KAZN: variants seen among roughly 807,000 people sequenced by gnomAD.
KAZN encodes kazrin.
Under a neutral mutation model 87.4 loss-of-function variants are expected in KAZN, and 40 were observed. The ratio of observed to expected loss-of-function variants is 0.46; its 90% CI spans 0.36 to 0.60. KAZN has a LOEUF of 0.60. KAZN is among the 20% of genes least tolerant of loss of function. KAZN has a pLI of 0.00. For synonymous variants in KAZN, 466 were observed against 458.3 expected, an observed-to-expected ratio of 1.02 and a Z score of -0.22; for missense variants, 898 against 1,073.9, an observed-to-expected ratio of 0.84 and a Z score of 2.29.
chr1:13,993,790 G>A (rs1274210923), intron 1 of KAZN, among the ~76,000 whole-genome samples: 2 of 152,214 alleles, frequency 1.3e-5, no homozygotes, highest in African/African-American at 4.8e-5. Context: ...AGGGTCAGGG[G>A]TGGGCATGGG....
chr1:14,908,675 C>A (rs1191838700), intron 1 of KAZN, among the ~76,000 whole-genome samples: 1 of 152,058 alleles, frequency 6.6e-6, no homozygotes, highest in East Asian at 1.9e-4. Context: ...CCTATTCATG[C>A]CACTCCTCTC....
chr1:14,030,160 G>T lies in KAZN; in HGVS notation c.91+136404G>T, dbSNP rs1570568117. Among the ~76,000 whole-genome samples, 4 of 150,498 alleles carry T rather than the reference G, an allele frequency of 2.7e-5. No homozygotes were observed. In the East Asian group the frequency reaches 5.9e-4, roughly 22 times the overall value. ...TCCTCTTTTATTTCCTTGAGCAGTG[G>T]TTTGTAGTTCTCCTTGAAGAGGTCC... On this transcript the variant is annotated intron_variant, in intron 1 of 16. Transcript: ENST00000636203.
chr1:14,427,065 G>T (rs532798987), intron 2 of KAZN, among the ~76,000 whole-genome samples: 1 of 152,212 alleles, frequency 6.6e-6, no homozygotes, highest in Non-Finnish European at 1.5e-5. Flanking sequence ...CACAAGACCT[G>T]TAAAATTGTT....
At chr1:14,278,622 T>G (rs1652590952) in intron 2 of KAZN, among the ~76,000 whole-genome samples, 1 of 152,294 alleles carries the variant, frequency 6.6e-6, no homozygotes, top group East Asian at 1.9e-4. Flanking sequence ...ATCTAGTCAC[T>G]GCTTAAGTTT....
rs192386508 is a variant in KAZN at position 14,210,916 on chromosome 1, A to G, written c.249+30324A>G. On this transcript the variant is annotated intron_variant, in intron 2 of 16. Coordinates refer to the KAZN transcript ENST00000636203. ...ACAATATCACACTGTTCATATGTCA[A>G]TGTAGCCTCTGGAAAACTCCACTGT... Among the ~76,000 whole-genome samples, 1,011 of 152,286 alleles carry G rather than the reference A, an allele frequency of 6.6e-3. 6 individuals are homozygous for G. Among genetic ancestry groups the G allele is most frequent in the South Asian group, 0.035 (171 of 4,818 alleles).
chr1:14,913,531 C>T (rs938256986), intron 1 of KAZN, among the ~76,000 whole-genome samples: 2 of 152,228 alleles, frequency 1.3e-5, no homozygotes, highest in Non-Finnish European at 2.9e-5. Flanking sequence ...GGGGCCATTA[C>T]AGATTTCTGC....
chr1:14,053,169 C>T (rs1642412794), intron 1 of KAZN, among the ~76,000 whole-genome samples: 1 of 152,200 alleles, frequency 6.6e-6, no homozygotes, highest in Admixed American at 6.5e-5. Context: ...CTGTTGTTCT[C>T]CCACTGGCCT....
At chr1:14,344,920 T>C (rs1303542527) in intron 2 of KAZN, among the ~76,000 whole-genome samples, 2 of 150,314 alleles carry the variant, frequency 1.3e-5, no homozygotes, top group African/African-American at 2.4e-5. Context: ...CCCTCTTCTT[T>C]TTTTTTTTTT....
intron 2 of KAZN, among the ~76,000 whole-genome samples, chr1:14,282,674 C>T (rs1350224190): frequency 3.9e-5 from 6 of 152,180 alleles, no homozygotes; most frequent in Non-Finnish European, 5.9e-5. Context: ...CCTCCAGCTC[C>T]TGGGACTTGT....
In KAZN at chr1:15,114,824, C is replaced by T; in HGVS notation, c.*189C>T. ...CCAGGAGAGAGAAGACACCAGCCCA[C>T]CTGTCTTGGGTGGGCCATGGACTTT... On this transcript the variant is annotated 3_prime_UTR_variant, in exon 15 of 15. Coordinates refer to ENST00000376030, the MANE Select transcript of KAZN (RefSeq NM_201628.3). The T allele has an allele frequency of 1.8e-6, 1 of 565,892 alleles. No homozygotes were observed. The highest frequency in any genetic ancestry group is 3.1e-5 in the Admixed American group (1 of 32,302). The allele number at this position is 565,892 out of a possible 1,614,324, so 35.1% of individuals were successfully genotyped here.
At chr1:15,110,690 G>A (rs1466571663) in intron 13 of KAZN, among the ~76,000 whole-genome samples, 1 of 152,236 alleles carries the variant, frequency 6.6e-6, no homozygotes, top group Non-Finnish European at 1.5e-5. Flanking sequence ...CTGACGTGGA[G>A]CCCACACGTG....
chr1:14,761,854 G>C (rs1239997375), intron 1 of KAZN, among the ~76,000 whole-genome samples: 1 of 151,662 alleles, frequency 6.6e-6, no homozygotes. Context: ...AATTAAAGAG[G>C]GATTTAGGAG....
intron 1 of KAZN, among the ~76,000 whole-genome samples, chr1:14,910,350 C>T (rs1450446398): frequency 1.3e-5 from 2 of 152,198 alleles, no homozygotes; most frequent in African/African-American, 2.4e-5. Flanking sequence ...CCAACTCCTC[C>T]GTCTCAGGAT....
intron 1 of KAZN, among the ~76,000 whole-genome samples, chr1:13,898,963 T>C (rs1033276146): frequency 2.0e-5 from 3 of 152,194 alleles, no homozygotes; most frequent in African/African-American, 4.8e-5. Context: ...GCTGTGCACA[T>C]TGGGGACTTT....
intron 2 of KAZN, among the ~76,000 whole-genome samples, chr1:14,585,737 C>A (rs547888649): frequency 6.6e-6 from 1 of 152,304 alleles, no homozygotes; most frequent in South Asian, 2.1e-4. Flanking sequence ...CAAATCCAGT[C>A]TACCACCAAT....
chr1:14,505,238 G>A (rs1670495975), intron 2 of KAZN, among the ~76,000 whole-genome samples: 1 of 152,182 alleles, frequency 6.6e-6, no homozygotes, highest in African/African-American at 2.4e-5. Flanking sequence ...GCCGAGGCCA[G>A]TGGCCATCCC....
At chr1:14,594,825 G>T (rs1049656050), upstream of KAZN, among the ~76,000 whole-genome samples, 6 of 152,278 alleles carry the variant, frequency 3.9e-5, no homozygotes, top group African/African-American at 1.2e-4. Flanking sequence ...GCAGGAGGGG[G>T]TTAGGCCAGT....
At chr1:14,310,642 G>T (rs1008740692) in intron 2 of KAZN, among the ~76,000 whole-genome samples, 1 of 152,158 alleles carries the variant, frequency 6.6e-6, no homozygotes, top group African/African-American at 2.4e-5. Context: ...GCAAATAAAA[G>T]ATCTTTATGT....
rs894711734 is a variant in KAZN, at chr1:14,729,272, T to C, written c.226+130049T>C. 2.6e-5 allele frequency among the ~76,000 whole-genome samples: 4 copies of C among 152,288 alleles called. No homozygotes were observed. In the East Asian group the frequency reaches 7.7e-4, roughly 29 times the overall value. On this transcript the variant is annotated intron_variant, in intron 1 of 14. Coordinates refer to ENST00000376030, the MANE Select transcript of KAZN (RefSeq NM_201628.3). ...TGACCCAAAGAGACTTAGTGACCCT[T>C]GCTATCTGGTTGTGTTCCTTGGGCT...
Sources: allele counts gnomAD v4.1 joint callset (sites outside exome capture counted in the v4.1 genomes callset), GRCh38; gene constraint gnomAD v4.1.1; transcripts MANE v1.5; gene names NCBI Gene and HGNC (gene_info 2026-07-23, HGNC 2026-07-21).